The following MECOM variants were observed in gnomAD, a reference collection of about 807,000 sequenced individuals.
MECOM encodes histone-lysine N-methyltransferase MECOM.
Under a neutral mutation model 116.3 loss-of-function variants are expected in MECOM, and 13 were observed. The observed-to-expected ratio is 0.11, with a 90% CI of 0.07 to 0.18. The LOEUF is 0.18. Among genes scored for constraint, MECOM ranks in the 10% least tolerant of loss-of-function variants. The pLI, the probability that MECOM is intolerant of heterozygous loss-of-function variation, is 1.00. For synonymous variants in MECOM, 528 were observed against 535.2 expected, an observed-to-expected ratio of 0.99 and a Z score of 0.19; for missense variants, 1,299 against 1,509.0, an observed-to-expected ratio of 0.86 and a Z score of 2.31.
chr3:169,153,622 G>A (rs531126902), intron 2 of MECOM, among the ~76,000 whole-genome samples: 2 of 151,972 alleles, frequency 1.3e-5, no homozygotes, highest in Admixed American at 6.6e-5. Context: ...TTCTTCCCTC[G>A]AGCTTTAGAT....
chr3:169,178,491 G>A (rs1745500034), intron 2 of MECOM, among the ~76,000 whole-genome samples: 2 of 152,174 alleles, frequency 1.3e-5, no homozygotes, highest in African/African-American at 2.4e-5. Flanking sequence ...TTCTGCAGGT[G>A]TAACCTAGAA....
chr3:169,230,462 A>G (rs1753241272), intron 2 of MECOM, among the ~76,000 whole-genome samples: 1 of 152,192 alleles, frequency 6.6e-6, no homozygotes. Flanking sequence ...GGAAGTTTGA[A>G]TGTATCTCCA....
intron 2 of MECOM, among the ~76,000 whole-genome samples, chr3:169,186,939 T>C (rs1386884430): frequency 6.6e-6 from 1 of 152,204 alleles, no homozygotes; most frequent in Non-Finnish European, 1.5e-5. Flanking sequence ...TCAAGCTACT[T>C]GATATATTAG....
intron 1 of MECOM, among the ~76,000 whole-genome samples, chr3:169,398,181 C>A (rs62294303): frequency 6.6e-6 from 1 of 152,118 alleles, no homozygotes. Context: ...TAAACAAAAT[C>A]TTTTGTTTGC....
intron 1 of MECOM, among the ~76,000 whole-genome samples, chr3:169,656,657 G>T (rs1363060480): frequency 6.6e-6 from 1 of 152,174 alleles, no homozygotes; most frequent in Non-Finnish European, 1.5e-5. Context: ...GGGTTTGCAT[G>T]GGTTGATGGT....
In MECOM at chr3:169,507,650, C is replaced by CTTTTTTTTTTTTTTTTTTTTTTTTTT. The variant is rs1165167849; in HGVS notation, c.38-126152_38-126127dup. The stretch of plus-strand genomic sequence containing the variant: ...CAATTTTGGTTTAAATCCCCACTTG[C>CTTTTTTTTTTTTTTTTTTTTTTTTTT]TTTTTTTTTTTTTTTTTTTTTTTTT... On this transcript the variant is annotated intron_variant, in intron 1 of 16. Coordinates refer to ENST00000651503, the MANE Select transcript of MECOM (RefSeq NM_004991.4). Among the ~76,000 whole-genome samples the CTTTTTTTTTTTTTTTTTTTTTTTTTT allele has an allele frequency of 3.8e-4, 22 of 57,146 alleles. 5 individuals are homozygous for CTTTTTTTTTTTTTTTTTTTTTTTTTT. Among genetic ancestry groups the CTTTTTTTTTTTTTTTTTTTTTTTTTT allele is most frequent in the African/African-American group, 1.2e-3 (15 of 12,236 alleles). The allele number at this position is 57,146 out of a possible 152,430, so 37.5% of individuals were successfully genotyped here. A position where few individuals can be genotyped will look rare whatever the true frequency, so the allele number is the denominator to read the frequency against.
chr3:169,412,634 A>G (rs1438891455), intron 1 of MECOM, among the ~76,000 whole-genome samples: 1 of 152,226 alleles, frequency 6.6e-6, no homozygotes, highest in Non-Finnish European at 1.5e-5. Context: ...TCTTCCCAGT[A>G]TGAATCCTTT....
chr3:169,544,501 T>A (rs1560414490), intron 1 of MECOM, among the ~76,000 whole-genome samples: 2 of 152,224 alleles, frequency 1.3e-5, no homozygotes, highest in Non-Finnish European at 2.9e-5. Flanking sequence ...GTGTTCCTAT[T>A]TCTCCACAGC....
At chr3:169,126,077 A>T (rs1385285524) in intron 5 of MECOM, among the ~76,000 whole-genome samples, 1 of 152,142 alleles carries the variant, frequency 6.6e-6, no homozygotes, top group Non-Finnish European at 1.5e-5. Flanking sequence ...ATATGGCTGG[A>T]CTACCAAAAT....
intron 9 of MECOM, among the ~76,000 whole-genome samples, chr3:169,108,990 A>T (rs1283326781): frequency 6.6e-6 from 1 of 152,232 alleles, no homozygotes; most frequent in Non-Finnish European, 1.5e-5. Context: ...TAATATTAAA[A>T]GTATAGTAAA....
intron 1 of MECOM, among the ~76,000 whole-genome samples, chr3:169,505,727 C>G (rs1755131692): frequency 6.6e-6 from 1 of 152,214 alleles, no homozygotes; most frequent in Admixed American, 6.5e-5. Flanking sequence ...TGTTTTAAAA[C>G]TTGGTCACCT....
At chr3:169,266,454 C>T (rs1348812884) in intron 2 of MECOM, among the ~76,000 whole-genome samples, 1 of 152,126 alleles carries the variant, frequency 6.6e-6, no homozygotes, top group Non-Finnish European at 1.5e-5. Context: ...ACTTCTAAAT[C>T]GTTAAATGAT....
At chr3:169,385,603 G>T (rs1414996108) in intron 1 of MECOM, among the ~76,000 whole-genome samples, 1 of 152,080 alleles carries the variant, frequency 6.6e-6, no homozygotes, top group Non-Finnish European at 1.5e-5. Context: ...AACAGCAAAT[G>T]CAGTTTATCA....
intron 1 of MECOM, among the ~76,000 whole-genome samples, chr3:169,496,870 G>T (rs1462376781): frequency 6.6e-6 from 1 of 152,168 alleles, no homozygotes; most frequent in African/African-American, 2.4e-5. Context: ...TTTACAGGTA[G>T]CTGTGATGGC....
chr3:169,305,801 A>G (rs1560109989), intron 2 of MECOM, among the ~76,000 whole-genome samples: 2 of 151,762 alleles, frequency 1.3e-5, no homozygotes, highest in Admixed American at 6.6e-5. Context: ...GGTGCTTTCC[A>G]TGGACTCTTT....
At chr3:169,452,342 A>T (rs1294997615) in intron 1 of MECOM, among the ~76,000 whole-genome samples, 1 of 152,216 alleles carries the variant, frequency 6.6e-6, no homozygotes, top group Non-Finnish European at 1.5e-5. Context: ...TTAACATTTT[A>T]AAAATTAAAT....
intron 1 of MECOM, among the ~76,000 whole-genome samples, chr3:169,600,805 A>G (rs1767750949): frequency 6.6e-6 from 1 of 152,240 alleles, no homozygotes; most frequent in Non-Finnish European, 1.5e-5. Flanking sequence ...TTTTTGGCTG[A>G]GCTCCAAGAC....
Position 169,115,639 on chromosome 3 carries a change from T to C in MECOM, c.2233A>G (p.Thr745Ala). 1 of 1,614,126 alleles carries C rather than the reference T, an allele frequency of 6.2e-7. No individual in the cohort carries two copies. The highest frequency in any genetic ancestry group is 8.5e-7 in the Non-Finnish European group (1 of 1,180,018). The part of the protein sequence containing the change: ...KGSSESPFDL[T>A]TKRKDEKPLT... ...GGCTTCTCATCCTTTCGCTTAGTGG[T>C]GAGATCAAAGGGGGACTCAGAGCTG... The change falls in exon 8 of 17, where the codon ACC becomes GCC. Residue 745 changes from threonine (T) to alanine (A), a missense_variant. Coordinates refer to ENST00000651503, the MANE Select transcript of MECOM (RefSeq NM_004991.4).
intron 2 of MECOM, among the ~76,000 whole-genome samples, chr3:169,378,349 A>G (rs1364350549): frequency 1.4e-5 from 2 of 147,964 alleles, no homozygotes; most frequent in African/African-American, 2.5e-5. Context: ...AAGGAAGGAA[A>G]GAAGGAAGGA....
Sources: allele counts gnomAD v4.1 joint callset (sites outside exome capture counted in the v4.1 genomes callset), GRCh38; gene constraint gnomAD v4.1.1; transcripts MANE v1.5; gene names NCBI Gene and HGNC (gene_info 2026-07-23, HGNC 2026-07-21).